The following SMAGP variants were observed in gnomAD, a reference collection of about 807,000 sequenced individuals.
SMAGP encodes the protein small cell transmembrane and glycosylated protein.
A neutral mutation model predicts 10.1 loss-of-function variants in SMAGP; 7 were observed. That is an observed-to-expected ratio of 0.70 (90% CI 0.40 to 1.31). The LOEUF (loss-of-function observed/expected upper bound fraction) is 1.31. SMAGP is among the 50% of genes most tolerant of loss of function. SMAGP has a pLI of 0.01. For missense variants in SMAGP, 113 were observed against 116.5 expected, an observed-to-expected ratio of 0.97 and a Z score of 0.14; for synonymous variants, 49 against 47.2, an observed-to-expected ratio of 1.04 and a Z score of -0.16.
At chr12:51,247,129 T>G (rs1182753655) in intron 2 of SMAGP, among the ~76,000 whole-genome samples, 3 of 152,178 alleles carry the variant, frequency 2.0e-5, no homozygotes, top group East Asian at 3.8e-4. Context: ...CTGTGTGACC[T>G]TGGGAAAATT....
intron 3 of SMAGP, 56 bp from the exon 4 acceptor site, chr12:51,246,175 G>A: frequency 6.3e-7 from 1 of 1,586,142 alleles, no homozygotes; most frequent in African/African-American, 1.4e-5. Flanking sequence ...TGTCTCAGTA[G>A]TTCCTGGAGT....
At chr12:51,254,520 C>A (rs1944869821) in intron 2 of SMAGP, among the ~76,000 whole-genome samples, 1 of 151,906 alleles carries the variant, frequency 6.6e-6, no homozygotes, top group Admixed American at 6.6e-5. Flanking sequence ...GCACTCCAAC[C>A]TGGGTGACAG....
intron 2 of SMAGP, among the ~76,000 whole-genome samples, chr12:51,263,851 C>A (rs1014099505): frequency 6.6e-6 from 1 of 152,032 alleles, no homozygotes; most frequent in East Asian, 1.9e-4. Flanking sequence ...ATTTTCATTT[C>A]TTTTATAATT....
chr12:51,247,373 G>A (rs1415609670), intron 2 of SMAGP, among the ~76,000 whole-genome samples: 1 of 152,042 alleles, frequency 6.6e-6, no homozygotes, highest in African/African-American at 2.4e-5. Flanking sequence ...ATGAAATAGT[G>A]CTCCTCTCCT....
chr12:51,263,975 T>A (rs1166753223), intron 2 of SMAGP, among the ~76,000 whole-genome samples: 1 of 152,054 alleles, frequency 6.6e-6, no homozygotes, highest in Non-Finnish European at 1.5e-5. Context: ...CTTACACTGA[T>A]GCAGTTGTAA....
chr12:51,260,679 ATTTTTTTT>A (rs1162152346), intron 2 of SMAGP, among the ~76,000 whole-genome samples: 2 of 78,398 alleles, frequency 2.6e-5, no homozygotes, highest in African/African-American at 1.1e-4. Context: ...CGCCCGGCCA[ATTTTTTTT>A]TTTTTTTTTT....
At chr12:51,259,279 A>AG (rs1565659403) in intron 2 of SMAGP, among the ~76,000 whole-genome samples, 1 of 152,154 alleles carries the variant, frequency 6.6e-6, no homozygotes, top group Admixed American at 6.6e-5. Flanking sequence ...AAGATTCGAC[A>AG]ATTTTAAAAT....
chr12:51,270,406 T>C lies in SMAGP; in HGVS notation c.-189A>G, dbSNP rs1378869349. ...GGAAGCCGCGGGTGGCGCGCGGGGT[T>C]GGCGCAGAGGCCGGAGGGGGTGGGG... On this transcript the variant is annotated 5_prime_UTR_variant, in exon 1 of 4. Transcript: ENST00000603798. The C allele has an allele frequency of 4.1e-6, 1 of 242,268 alleles. No individual in the cohort carries two copies. The highest frequency in any genetic ancestry group is 2.2e-5 in the African/African-American group (1 of 44,656). 15.0% of individuals were successfully genotyped at this position (242,268 alleles called of 1,614,324 possible).
chr12:51,250,887 C>G (rs1462419289), intron 2 of SMAGP, among the ~76,000 whole-genome samples: 1 of 152,116 alleles, frequency 6.6e-6, no homozygotes, highest in Non-Finnish European at 1.5e-5. Flanking sequence ...CACTGTGACT[C>G]CCATCAAAGG....
chr12:51,267,201 CCTTT>C (rs1944982130), intron 2 of SMAGP, among the ~76,000 whole-genome samples: 1 of 152,184 alleles, frequency 6.6e-6, no homozygotes, highest in African/African-American at 2.4e-5. Flanking sequence ...CAAGGTATCA[CCTTT>C]TTTCCCTTGT....
chr12:51,247,903 G>A (rs1244386134), intron 2 of SMAGP, among the ~76,000 whole-genome samples: 2 of 152,210 alleles, frequency 1.3e-5, no homozygotes, highest in Non-Finnish European at 2.9e-5. Flanking sequence ...GTGTGCAGCC[G>A]AGGGGCCTGA....
Position 51,245,691 on chromosome 12 carries a change from A to T in SMAGP, c.*250T>A. ...CTCAGATGTCCCCTGGCATAGCCAC[A>T]TCTTGTTGGCCAGTCACAAACACCA... On this transcript the variant is annotated 3_prime_UTR_variant, in exon 4 of 4. Transcript: ENST00000603798. 1 of 459,662 alleles carries T rather than the reference A, an allele frequency of 2.2e-6. No homozygotes were observed. The highest frequency in any genetic ancestry group is 3.9e-6 in the Non-Finnish European group (1 of 253,808). 28.5% of individuals were successfully genotyped at this position (459,662 alleles called of 1,614,324 possible). A position where few individuals can be genotyped will look rare whatever the true frequency, so the allele number is the denominator to read the frequency against.
At chr12:51,262,884 G>A (rs945817378) in intron 2 of SMAGP, among the ~76,000 whole-genome samples, 1 of 152,132 alleles carries the variant, frequency 6.6e-6, no homozygotes, top group East Asian at 1.9e-4. Flanking sequence ...AGCAGAGGGC[G>A]GCTCCCCGAG....
Position 51,247,478 on chromosome 12 carries a change from C to T in SMAGP, c.35-647G>A, listed in dbSNP as rs902216002. ...TCTACCCTAAAATAGATCCTGCACC[C>T]CCTCCTGCTACGGGTTTATTTATCC... On this transcript the variant is annotated intron_variant, in intron 2 of 3. Coordinates refer to ENST00000603798, the MANE Select transcript of SMAGP (RefSeq NM_001031628.2). 2.6e-5 allele frequency among the ~76,000 whole-genome samples: 4 copies of T among 152,106 alleles called. No homozygotes were observed. In the East Asian group the frequency reaches 5.8e-4, roughly 22 times the overall value.
At chr12:51,261,582 G>A (rs1944932792) in intron 2 of SMAGP, among the ~76,000 whole-genome samples, 1 of 152,150 alleles carries the variant, frequency 6.6e-6, no homozygotes, top group Non-Finnish European at 1.5e-5. Context: ...ACAGAAGGAA[G>A]AGCAAAACTG....
At chr12:51,268,934 C>A (rs1945001722) in intron 2 of SMAGP, among the ~76,000 whole-genome samples, 1 of 152,138 alleles carries the variant, frequency 6.6e-6, no homozygotes, top group South Asian at 2.1e-4. Flanking sequence ...GTTCCCCAGG[C>A]AGGTCTCAAA....
Position 51,245,277 on chromosome 12 carries a change from G to A in SMAGP, c.*664C>T, listed in dbSNP as rs544206965. The A allele has an allele frequency of 6.6e-6, 1 of 152,412 alleles. No individual in the cohort carries two copies. The highest frequency in any genetic ancestry group is 1.9e-4 in the East Asian group (1 of 5,190). The allele number at this position is 152,412 out of a possible 1,614,324, so 9.4% of individuals were successfully genotyped here. Reference sequence around the variant, plus strand: ...GAACATATGTAAAGGCGTTAAATAGGGAAAAGAAAATGTCAAAAATGTTTA... The same window carrying A: ...GAACATATGTAAAGGCGTTAAATAGAGAAAAGAAAATGTCAAAAATGTTTA... On this transcript the variant is annotated 3_prime_UTR_variant, in exon 4 of 4. Transcript: ENST00000603798.
chr12:51,267,402 C>T (rs1592238461), intron 2 of SMAGP, among the ~76,000 whole-genome samples: 2 of 151,998 alleles, frequency 1.3e-5, no homozygotes, highest in Non-Finnish European at 2.9e-5. Flanking sequence ...GAACCTTGTC[C>T]GTCTTTCAAG....
chr12:51,248,677 G>C (rs1944808340), intron 2 of SMAGP, among the ~76,000 whole-genome samples: 1 of 152,054 alleles, frequency 6.6e-6, no homozygotes, highest in South Asian at 2.1e-4. Flanking sequence ...CCTCATTCCA[G>C]AGGGAGAATT....
Sources: allele counts gnomAD v4.1 joint callset (sites outside exome capture counted in the v4.1 genomes callset), GRCh38; gene constraint gnomAD v4.1.1; transcripts MANE v1.5; gene names NCBI Gene and HGNC (gene_info 2026-07-23, HGNC 2026-07-21).